SPINK13: variants seen among roughly 807,000 people sequenced by gnomAD.
SPINK13 encodes the protein serine protease inhibitor Kazal-type 13.
A neutral mutation model predicts 11.0 loss-of-function variants in SPINK13; 11 were observed. That is an observed-to-expected ratio of 1.00 (90% CI 0.63 to 1.65). The LOEUF is 1.65. SPINK13 is among the 40% of genes most tolerant of loss of function. The pLI is 0.00. For missense variants in SPINK13, 113 were observed against 117.7 expected, an observed-to-expected ratio of 0.96 and a Z score of 0.19; for synonymous variants, 31 against 35.6, an observed-to-expected ratio of 0.87 and a Z score of 0.46.
At position 148,278,981 on chromosome 5, in the gene SPINK13, C is replaced by T. The variant is rs538281960; in HGVS notation, c.109-3123C>T. 1.3e-4 allele frequency among the ~76,000 whole-genome samples: 19 copies of T among 151,724 alleles called. 2 individuals are homozygous for T. Among genetic ancestry groups the T allele is most frequent in the African/African-American group, 4.4e-4 (18 of 41,344 alleles). ...GTGCATATATATTTAGGATAGTTAG[C>T]TCTTCTTGTTGTATTGATCCCTTTA... On this transcript the variant is annotated intron_variant, in intron 3 of 4. Coordinates refer to ENST00000398450, the MANE Select transcript of SPINK13 (RefSeq NM_001040129.3).
At chr5:148,275,569 C>T (rs928784921) in intron 3 of SPINK13, among the ~76,000 whole-genome samples, 15 of 152,158 alleles carry the variant, frequency 9.9e-5, no homozygotes, top group African/African-American at 3.1e-4. Context: ...CATTGTCCTC[C>T]ACAATGGTTG....
At position 148,286,164 on chromosome 5, in the gene SPINK13, G is replaced by T; in HGVS notation, c.*116G>T. The T allele has an allele frequency of 1.8e-6, 1 of 560,712 alleles. No individual in the cohort carries two copies. Among genetic ancestry groups the T allele is most frequent in the Non-Finnish European group, 2.9e-6 (1 of 349,600 alleles). The allele number at this position is 560,712 out of a possible 1,614,324, so 34.7% of individuals were successfully genotyped here. A position where few individuals can be genotyped will look rare whatever the true frequency, so the allele number is the denominator to read the frequency against. Reference sequence around the variant, plus strand: ...CATCCCTATGCTGTACTTAAATGTCGAACAAAATGAGAGACAAAAATGAAG... The same window carrying T: ...CATCCCTATGCTGTACTTAAATGTCTAACAAAATGAGAGACAAAAATGAAG... On this transcript the variant is annotated 3_prime_UTR_variant, in exon 5 of 5. Transcript: ENST00000398450.
intron 3 of SPINK13, among the ~76,000 whole-genome samples, chr5:148,279,823 G>T (rs1247195088): frequency 6.6e-6 from 1 of 152,122 alleles, no homozygotes; most frequent in African/African-American, 2.4e-5. Flanking sequence ...TTGAATGTTG[G>T]CCTGTCTTGC....
At chr5:148,279,241 G>A (rs2113371423) in intron 3 of SPINK13, among the ~76,000 whole-genome samples, 2 of 152,050 alleles carry the variant, frequency 1.3e-5, no homozygotes, top group Middle Eastern at 6.8e-3. Flanking sequence ...CAATTTGCCA[G>A]TCTGTGTCTT....
intron 4 of SPINK13, among the ~76,000 whole-genome samples, chr5:148,284,802 A>C (rs1389233182): frequency 6.6e-6 from 1 of 152,178 alleles, no homozygotes; most frequent in Non-Finnish European, 1.5e-5. Context: ...GATGAATCCA[A>C]GACTTGGCTA....
rs539687406 is a variant in SPINK13, at chr5:148,269,555, A to G, written c.-33-485A>G. The stretch of plus-strand genomic sequence containing the variant: ...AAATAAAGGGCTTAAGTGTGGGAGA[A>G]ACTGGTCCATCTCAGGGAATCACAT... On this transcript the variant is annotated intron_variant, in intron 1 of 4. Coordinates refer to ENST00000398450, the MANE Select transcript of SPINK13 (RefSeq NM_001040129.3). Among the ~76,000 whole-genome samples the G allele has an allele frequency of 2.6e-5, 4 of 152,288 alleles. No individual in the cohort carries two copies. In the East Asian group the frequency reaches 7.7e-4, roughly 29 times the overall value.
At chr5:148,282,018 A>G (rs1756522902) in intron 3 of SPINK13, 86 bp from the exon 4 acceptor site, 2 of 1,551,668 alleles carry the variant, frequency 1.3e-6, no homozygotes, top group Non-Finnish European at 1.8e-6. Context: ...ATTTAATATT[A>G]TTTTTTAAGT....
intron 3 of SPINK13, among the ~76,000 whole-genome samples, chr5:148,278,428 A>C (rs919897050): frequency 6.6e-6 from 1 of 152,154 alleles, no homozygotes; most frequent in African/African-American, 2.4e-5. Flanking sequence ...TTTCCCTCTG[A>C]ACACTGCTTT....
intron 3 of SPINK13, among the ~76,000 whole-genome samples, chr5:148,280,611 G>A (rs1756498233): frequency 6.6e-6 from 1 of 152,192 alleles, no homozygotes; most frequent in South Asian, 2.1e-4. Flanking sequence ...CACCAGTAGA[G>A]GCTGCAGAAC....
At chr5:148,273,739 T>TGTG (rs1458515783) in intron 2 of SPINK13, among the ~76,000 whole-genome samples, 1 of 152,236 alleles carries the variant, frequency 6.6e-6, no homozygotes, top group African/African-American at 2.4e-5. Context: ...CTATGATATT[T>TGTG]TAAATATCAC....
chr5:148,282,928 T>A (rs1756539337), intron 4 of SPINK13, among the ~76,000 whole-genome samples: 1 of 152,196 alleles, frequency 6.6e-6, no homozygotes, highest in Non-Finnish European at 1.5e-5. Context: ...CCCAAGACTA[T>A]CTTCAGGCTT....
intron 3 of SPINK13, among the ~76,000 whole-genome samples, chr5:148,281,672 A>G (rs1468557262): frequency 6.6e-6 from 1 of 152,174 alleles, no homozygotes; most frequent in African/African-American, 2.4e-5. Context: ...AAATGCAGAA[A>G]TCACCCACCT....
chr5:148,278,824 T>C (rs908559169), intron 3 of SPINK13, among the ~76,000 whole-genome samples: 24 of 152,236 alleles, frequency 1.6e-4, no homozygotes, highest in African/African-American at 5.5e-4. Context: ...TAAATATCCT[T>C]GTTAACTTTC....
chr5:148,271,031 A>C (rs1756342961), intron 2 of SPINK13: 1 of 152,262 alleles, frequency 6.6e-6, no homozygotes, highest in African/African-American at 2.4e-5. Flanking sequence ...TTGTTAAGTC[A>C]CTAAGTTTGT....
chr5:148,269,851 T>A (rs1185253259), intron 1 of SPINK13, among the ~76,000 whole-genome samples, 189 bp from the exon 2 acceptor site: 2 of 152,178 alleles, frequency 1.3e-5, no homozygotes, highest in African/African-American at 4.8e-5. Context: ...AAAAAGTCAT[T>A]TTTTTATGTT....
At position 148,286,016 on chromosome 5, in the gene SPINK13, A is replaced by T. The variant is rs535825526; in HGVS notation, c.253A>T (p.Ile85Leu). 5 of 1,469,442 alleles carry T rather than the reference A, an allele frequency of 3.4e-6. No individual in the cohort carries two copies. Among genetic ancestry groups the T allele is most frequent in the Middle Eastern group, 1.8e-4 (1 of 5,684 alleles). 91.0% of individuals were successfully genotyped at this position (1,469,442 alleles called of 1,614,324 possible). ...CVEQREFHYR[I>L]KFEKYGKCD ...TCTCTTTAGGGAATTTCATTATCGTATAAAATTTGAAAAATATGGAAAATG... is the reference window on the plus strand; with the variant it reads ...TCTCTTTAGGGAATTTCATTATCGTTTAAAATTTGAAAAATATGGAAAATG... The change falls in exon 5 of 5, where the codon ATA becomes TTA. Residue 85 changes from isoleucine to leucine, a missense_variant. Ile to Leu is a conservative substitution (Grantham distance 5). Transcript: ENST00000398450.
chr5:148,279,076 G>T (rs983564783), intron 3 of SPINK13, among the ~76,000 whole-genome samples: 30 of 133,602 alleles, frequency 2.2e-4, no homozygotes, highest in South Asian at 1.3e-3. Flanking sequence ...TCAGAGACTA[G>T]AATTGCAACC....
rs11435083 is a variant in SPINK13 at position 148,269,835 on chromosome 5, GA to G, written c.-33-195del. The stretch of plus-strand genomic sequence containing the variant: ...TGTGATTGTCAGCTAGTTTTTGGCA[GA>G]AAAAAAAAAGTCATTTTTTTATGTT... On this transcript the variant is annotated intron_variant, in intron 1 of 4. Transcript: ENST00000398450. 4.4e-3 allele frequency among the ~76,000 whole-genome samples: 650 copies of G among 148,886 alleles called. 2 individuals carry two copies. Among genetic ancestry groups the G allele is most frequent in the African/African-American group, 9.5e-3 (386 of 40,780 alleles).
intron 3 of SPINK13, among the ~76,000 whole-genome samples, chr5:148,275,648 T>G (rs1561751016): frequency 6.6e-6 from 1 of 151,988 alleles, no homozygotes; most frequent in African/African-American, 2.4e-5. Context: ...CAGCATCTGT[T>G]GTTTCCTGAC....
Sources: gnomAD v4.1 joint callset for allele counts (sites outside exome capture counted in the v4.1 genomes callset) on GRCh38, gnomAD v4.1.1 for gene constraint, MANE v1.5 for transcripts, NCBI Gene and HGNC (gene_info 2026-07-23, HGNC 2026-07-21) for gene names.